Variants in FAM171A1 observed in about 807,000 individuals in gnomAD.
FAM171A1 encodes protein FAM171A1.
In FAM171A1, 23 loss-of-function variants were observed where a neutral mutation model predicts 74.9. The ratio of observed to expected loss-of-function variants is 0.31; its 90% CI spans 0.22 to 0.44. The LOEUF is 0.44. Ranked by LOEUF, FAM171A1 falls within the 20% of genes least tolerant of loss-of-function variation. The pLI is 1.00. For synonymous variants in FAM171A1, 527 were observed against 505.7 expected, an observed-to-expected ratio of 1.04 and a Z score of -0.57; for missense variants, 1,162 against 1,159.2, an observed-to-expected ratio of 1.00 and a Z score of -0.03.
At chr10:15,244,759 C>G (rs553458831) in intron 5 of FAM171A1, among the ~76,000 whole-genome samples, 2 of 151,964 alleles carry the variant, frequency 1.3e-5, no homozygotes, top group Non-Finnish European at 2.9e-5. Context: ...AACAGGTCCC[C>G]GCACAGACTC....
At chr10:15,229,421 T>C (rs1834154335) in intron 5 of FAM171A1, among the ~76,000 whole-genome samples, 1 of 151,648 alleles carries the variant, frequency 6.6e-6, no homozygotes, top group African/African-American at 2.4e-5. Flanking sequence ...ATCATCATCG[T>C]CATCACCACC....
intron 3 of FAM171A1, among the ~76,000 whole-genome samples, chr10:15,270,033 C>A (rs1415879707): frequency 1.3e-5 from 2 of 152,178 alleles, no homozygotes; most frequent in African/African-American, 4.8e-5. Flanking sequence ...GTTCATCTCA[C>A]TGGGGCTTGT....
chr10:15,255,256 T>C (rs1588514874), intron 3 of FAM171A1, among the ~76,000 whole-genome samples: 1 of 152,314 alleles, frequency 6.6e-6, no homozygotes, highest in Non-Finnish European at 1.5e-5. Context: ...ACTCAAACAA[T>C]GTAAGAGATA....
intron 1 of FAM171A1, among the ~76,000 whole-genome samples, chr10:15,328,625 G>A (rs1193773585): frequency 6.6e-6 from 1 of 152,210 alleles, no homozygotes; most frequent in African/African-American, 2.4e-5. Context: ...CTGCAGTAGT[G>A]CAGGCATCTG....
intron 1 of FAM171A1, among the ~76,000 whole-genome samples, chr10:15,294,679 T>C (rs1205745580): frequency 6.6e-6 from 1 of 152,194 alleles, no homozygotes; most frequent in Non-Finnish European, 1.5e-5. Context: ...AGTCCAGCAT[T>C]ATCTTTTAGT....
intron 3 of FAM171A1, among the ~76,000 whole-genome samples, chr10:15,257,475 T>C (rs917664494): frequency 1.6e-4 from 24 of 152,166 alleles, no homozygotes; most frequent in Non-Finnish European, 7.3e-5. Flanking sequence ...CTGCTTCTCG[T>C]GCCTTCTCGA....
chr10:15,362,509 C>G (rs1413611377), intron 1 of FAM171A1, among the ~76,000 whole-genome samples: 1 of 152,180 alleles, frequency 6.6e-6, no homozygotes, highest in African/African-American at 2.4e-5. Context: ...AGTTTGAGAC[C>G]AGGCTGGCCC....
rs773290749 is a variant in FAM171A1, at chr10:15,213,209, G to A, written c.2379C>T (p.Asp793=). The change falls in exon 8 of 8, where the codon GAC becomes GAT. Residue 793 remains aspartate, a synonymous_variant. Coordinates refer to ENST00000378116, the MANE Select transcript of FAM171A1 (RefSeq NM_001010924.2). The surrounding 1 kb of genome is among the most constrained non-coding windows in gnomAD (Gnocchi z 6.8). ...TAYTQLVYLD[D]VEQSGSECGT... is the part of the protein sequence containing the mutation. ...CACATTCGCTACCACTCTGTTCCAC[G>A]TCATCCAGGTACACGAGCTGCGTGT... The A allele has an allele frequency of 4.3e-6, 7 of 1,614,084 alleles. No individual in the cohort carries two copies. Among genetic ancestry groups the A allele is most frequent in the Non-Finnish European group, 5.9e-6 (7 of 1,180,036 alleles).
In FAM171A1 at chr10:15,213,836, C is replaced by T. The variant is rs3814167; in HGVS notation, c.1752G>A (p.Pro584=). ...CCCCGGGGAGTTTCATATAATGAGC[C>T]GGGATGACCAAGGCAGGCAGTACTT... The part of the protein sequence containing the change: ...YRKVLPALVI[P]AHYMKLPGDH... Residue 584 remains proline, a synonymous_variant, in exon 8 of 8, where the codon CCG becomes CCA. Transcript: ENST00000378116. The surrounding 1 kb of genome is among the most constrained non-coding windows in gnomAD (Gnocchi z 6.8). 2.1e-3 allele frequency: 3,396 copies of T among 1,614,064 alleles called. 32 individuals are homozygous for T. The African/African-American group carries it at 0.025, about 12-fold the overall frequency.
At chr10:15,333,085 C>G (rs538494876) in intron 1 of FAM171A1, among the ~76,000 whole-genome samples, 5 of 152,282 alleles carry the variant, frequency 3.3e-5, no homozygotes, top group Admixed American at 6.5e-5. Context: ...CCTGGAAGTC[C>G]ACAGCTACTC....
At chr10:15,269,249 G>A (rs1028424678) in intron 3 of FAM171A1, among the ~76,000 whole-genome samples, 1 of 151,978 alleles carries the variant, frequency 6.6e-6, no homozygotes, top group Non-Finnish European at 1.5e-5. Context: ...GAGTAGCTGG[G>A]ACTACAGGCG....
At chr10:15,231,918 C>T (rs928954240) in intron 5 of FAM171A1, among the ~76,000 whole-genome samples, 1 of 151,946 alleles carries the variant, frequency 6.6e-6, no homozygotes, top group Non-Finnish European at 1.5e-5. Context: ...GACCACATCT[C>T]TACAAAAAAT....
chr10:15,265,046 A>T (rs1328295362), intron 3 of FAM171A1, among the ~76,000 whole-genome samples: 2 of 152,186 alleles, frequency 1.3e-5, no homozygotes, highest in Non-Finnish European at 2.9e-5. Flanking sequence ...TTTAAACATT[A>T]ACAAAATTTT....
At chr10:15,353,453 G>C (rs988737588) in intron 1 of FAM171A1, among the ~76,000 whole-genome samples, 5 of 152,102 alleles carry the variant, frequency 3.3e-5, no homozygotes, top group Non-Finnish European at 4.4e-5. Flanking sequence ...GCAATTCCCA[G>C]AATATGACTT....
At chr10:15,262,838 C>T (rs1834676415) in intron 3 of FAM171A1, among the ~76,000 whole-genome samples, 1 of 152,126 alleles carries the variant, frequency 6.6e-6, no homozygotes, top group Non-Finnish European at 1.5e-5. Flanking sequence ...TGAAGGGGTT[C>T]ATGGTGGGGC....
chr10:15,338,020 T>TTAAAA (rs1835724670), intron 1 of FAM171A1, among the ~76,000 whole-genome samples: 2 of 152,022 alleles, frequency 1.3e-5, no homozygotes, highest in African/African-American at 4.8e-5. Flanking sequence ...ATAAATAAAT[T>TTAAAA]CCTATTTAAA....
intron 2 of FAM171A1, among the ~76,000 whole-genome samples, chr10:15,277,947 G>C (rs979719349): frequency 6.6e-6 from 1 of 152,026 alleles, no homozygotes; most frequent in Non-Finnish European, 1.5e-5. Context: ...GTAGTGATGG[G>C]GTTTCGTCAC....
At chr10:15,354,041 C>G (rs1363851886) in intron 1 of FAM171A1, among the ~76,000 whole-genome samples, 1 of 152,196 alleles carries the variant, frequency 6.6e-6, no homozygotes, top group Non-Finnish European at 1.5e-5. Context: ...CAGGCATTGT[C>G]CTTCCAAAGT....
intron 1 of FAM171A1, among the ~76,000 whole-genome samples, chr10:15,333,213 G>C (rs1294980221): frequency 1.3e-5 from 2 of 152,246 alleles, no homozygotes; most frequent in Non-Finnish European, 2.9e-5. Flanking sequence ...CTCTTTCTGG[G>C]CTGGGTGCTG....
Sources: allele counts gnomAD v4.1 joint callset (sites outside exome capture counted in the v4.1 genomes callset), GRCh38; gene constraint gnomAD v4.1.1; non-coding constraint Gnocchi (gnomAD v3.1); transcripts MANE v1.5; gene names NCBI Gene and HGNC (gene_info 2026-07-23, HGNC 2026-07-21).